The following DEUP1 variants were observed in gnomAD, a reference collection of about 807,000 sequenced individuals.
DEUP1 encodes the protein deuterosome assembly protein 1.
In DEUP1, 82 loss-of-function variants were observed where a neutral mutation model predicts 87.4. That is an observed-to-expected ratio of 0.94 (90% confidence interval 0.78 to 1.13). The LOEUF (loss-of-function observed/expected upper bound fraction) is 1.13. Ranked by LOEUF, DEUP1 falls within the 50% of genes most tolerant of loss-of-function variation. DEUP1 has a pLI of 0.00. For missense variants in DEUP1, 663 were observed against 681.5 expected (o/e 0.97, Z 0.30); for synonymous variants, 214 against 222.7 (o/e 0.96, Z 0.35).
intron 7 of DEUP1, among the ~76,000 whole-genome samples, chr11:93,380,316 T>C (rs1327581950): frequency 2.8e-5 from 3 of 105,312 alleles, no homozygotes; most frequent in African/African-American, 1.1e-4. Flanking sequence ...CTGTGTGGCT[T>C]GCATTTGTGA....
rs112370666 is a variant in DEUP1, at chr11:93,332,751, C to T, written c.29+463C>T. 1.6e-3 allele frequency among the ~76,000 whole-genome samples: 246 copies of T among 152,254 alleles called. 1 individual carries two copies. Among genetic ancestry groups the T allele is most frequent in the African/African-American group, 5.6e-3 (234 of 41,534 alleles). On this transcript the variant is annotated intron_variant, in intron 2 of 13. Transcript: ENST00000298050. ...ACTAGATATCTTACCAAAAGTTTCA[C>T]GAAGAGATAAGAATAAAATTTGTAT...
intron 5 of DEUP1, among the ~76,000 whole-genome samples, chr11:93,366,415 T>C (rs527364288): frequency 1.9e-4 from 29 of 152,336 alleles, no homozygotes; most frequent in Non-Finnish European, 4.1e-4. Flanking sequence ...TTAATGACCC[T>C]GATCCACTCT....
At chr11:93,389,619 C>G (rs968797832) in intron 9 of DEUP1, among the ~76,000 whole-genome samples, 2 of 152,052 alleles carry the variant, frequency 1.3e-5, no homozygotes, top group Non-Finnish European at 2.9e-5. Flanking sequence ...TCCTCACAAA[C>G]ATCTAATGAA....
intron 10 of DEUP1, among the ~76,000 whole-genome samples, chr11:93,394,906 C>T (rs1946889996): frequency 6.6e-6 from 1 of 152,076 alleles, no homozygotes; most frequent in African/African-American, 2.4e-5. Flanking sequence ...TTCTTGTAAC[C>T]TATATTCTGA....
intron 7 of DEUP1, among the ~76,000 whole-genome samples, chr11:93,383,811 T>A (rs893313426): frequency 1.3e-5 from 2 of 152,010 alleles, no homozygotes; most frequent in African/African-American, 4.8e-5. Flanking sequence ...ACACTAGAGG[T>A]CTATTTAACT....
At chr11:93,336,951 A>G (rs1208565227) in intron 2 of DEUP1, among the ~76,000 whole-genome samples, 1 of 152,232 alleles carries the variant, frequency 6.6e-6, no homozygotes, top group Admixed American at 6.5e-5. Flanking sequence ...ATGTGTGTGC[A>G]TACATCTTCA....
intron 13 of DEUP1, among the ~76,000 whole-genome samples, chr11:93,429,584 G>A (rs1000641551): frequency 1.3e-5 from 2 of 152,038 alleles, no homozygotes; most frequent in African/African-American, 4.8e-5. Flanking sequence ...TTCACTCCCT[G>A]CCCCTCATCT....
intron 2 of DEUP1, among the ~76,000 whole-genome samples, chr11:93,354,121 T>C (rs1944768443): frequency 6.6e-6 from 1 of 152,234 alleles, no homozygotes; most frequent in Non-Finnish European, 1.5e-5. Flanking sequence ...ACCTCTTGAA[T>C]GCTTTGCTGC....
intron 2 of DEUP1, among the ~76,000 whole-genome samples, chr11:93,333,416 G>A (rs1943586577): frequency 6.6e-6 from 1 of 152,168 alleles, no homozygotes; most frequent in African/African-American, 2.4e-5. Flanking sequence ...CTTCCATAGG[G>A]AAGGAGAAAG....
At position 93,378,168 on chromosome 11, in the gene DEUP1, G is replaced by T. The variant is rs372986294; in HGVS notation, c.789+6888G>T. The stretch of plus-strand genomic sequence containing the variant: ...TGTCTAGATCTCTAGCAAGGCCAGG[G>T]AAGTTTTCCTCAATTATTCCCTCAA... On this transcript the variant is annotated intron_variant, in intron 7 of 13. Transcript: ENST00000298050. 1.2e-4 allele frequency among the ~76,000 whole-genome samples: 19 copies of T among 152,292 alleles called. No individual in the cohort carries two copies. In the East Asian group the frequency reaches 3.5e-3, roughly 28 times the overall value.
chr11:93,333,134 A>G (rs571655598), intron 2 of DEUP1, among the ~76,000 whole-genome samples: 1 of 152,334 alleles, frequency 6.6e-6, no homozygotes, highest in East Asian at 1.9e-4. Flanking sequence ...CCTGCTAGGT[A>G]TTATTCTCAT....
chr11:93,374,382 C>T (rs192119971), intron 7 of DEUP1, among the ~76,000 whole-genome samples: 187 of 152,172 alleles, frequency 1.2e-3, no homozygotes, highest in Non-Finnish European at 1.8e-3. Context: ...GTTTTTCCAA[C>T]GTTATCTTCT....
chr11:93,336,787 T>A (rs564254052), intron 2 of DEUP1, among the ~76,000 whole-genome samples: 169 of 152,296 alleles, frequency 1.1e-3, no homozygotes, highest in African/African-American at 3.8e-3. Context: ...GTTTTCAGGC[T>A]GACACTCACT....
intron 4 of DEUP1, among the ~76,000 whole-genome samples, chr11:93,360,993 C>T (rs1163803067): frequency 6.7e-6 from 1 of 148,834 alleles, no homozygotes; most frequent in Non-Finnish European, 1.5e-5. Flanking sequence ...CATATTAAGA[C>T]ACATCATAGT....
chr11:93,376,456 C>A (rs1472113779), intron 7 of DEUP1, among the ~76,000 whole-genome samples: 1 of 152,060 alleles, frequency 6.6e-6, no homozygotes, highest in South Asian at 2.1e-4. Flanking sequence ...TCAGTAGTAT[C>A]GGTTTGAATA....
chr11:93,357,571 A>G (rs1944957984), intron 4 of DEUP1: 1 of 152,502 alleles, frequency 6.6e-6, no homozygotes, highest in African/African-American at 2.4e-5. Flanking sequence ...ATCTTCACAC[A>G]AAGAAGGCAC....
chr11:93,395,433 T>C (rs1030564159), intron 10 of DEUP1, among the ~76,000 whole-genome samples: 2 of 152,194 alleles, frequency 1.3e-5, no homozygotes, highest in African/African-American at 2.4e-5. Flanking sequence ...ATTTAGCCTT[T>C]GCCCAGTTGT....
chr11:93,353,756 G>T (rs573618796), intron 2 of DEUP1, among the ~76,000 whole-genome samples: 17 of 152,328 alleles, frequency 1.1e-4, no homozygotes, highest in African/African-American at 3.1e-4. Flanking sequence ...CTCTACATTG[G>T]CCCCTTTTAG....
At chr11:93,331,869 C>T (rs1380317470) in intron 1 of DEUP1, among the ~76,000 whole-genome samples, 1 of 152,074 alleles carries the variant, frequency 6.6e-6, no homozygotes, top group Non-Finnish European at 1.5e-5. Flanking sequence ...ACATGCGAAA[C>T]CCCGTCCCTA....
Sources: gnomAD v4.1 joint callset for allele counts (sites outside exome capture counted in the v4.1 genomes callset) on GRCh38, gnomAD v4.1.1 for gene constraint, MANE v1.5 for transcripts, NCBI Gene and HGNC (gene_info 2026-07-23, HGNC 2026-07-21) for gene names.